INPP4B: variants seen among roughly 807,000 people sequenced by gnomAD.
The protein encoded by INPP4B is inositol polyphosphate 4-phosphatase type II.
In INPP4B, 55 loss-of-function variants were observed where a neutral mutation model predicts 122.5. The observed-to-expected ratio is 0.45, with a 90% confidence interval of 0.36 to 0.56. The LOEUF is 0.56. Among genes scored for constraint, INPP4B ranks in the 20% least tolerant of loss-of-function variants. INPP4B has a pLI of 0.00. For synonymous variants in INPP4B, 403 were observed against 388.7 expected, an observed-to-expected ratio of 1.04 and a Z score of -0.43; for missense variants, 1,000 against 1,097.7, an observed-to-expected ratio of 0.91 and a Z score of 1.26.
chr4:142,636,339 T>C (rs1203012626), intron 2 of INPP4B, among the ~76,000 whole-genome samples: 1 of 152,036 alleles, frequency 6.6e-6, no homozygotes, highest in African/African-American at 2.4e-5. Flanking sequence ...AAAAGTCAAA[T>C]ACCTAGAAAT....
At chr4:142,610,377 G>A (rs1022239654) in intron 2 of INPP4B, among the ~76,000 whole-genome samples, 1 of 152,106 alleles carries the variant, frequency 6.6e-6, no homozygotes, top group Non-Finnish European at 1.5e-5. Flanking sequence ...TATTAGCAGT[G>A]TGAGAACAGA....
At chr4:142,089,996 T>C (rs1175006855) in intron 23 of INPP4B, among the ~76,000 whole-genome samples, 1 of 152,188 alleles carries the variant, frequency 6.6e-6, no homozygotes, top group Non-Finnish European at 1.5e-5. Context: ...GTTTTTACCA[T>C]TGGTAGTACT....
chr4:142,091,773 A>T (rs1350550093), intron 23 of INPP4B, among the ~76,000 whole-genome samples: 1 of 152,204 alleles, frequency 6.6e-6, no homozygotes, highest in African/African-American at 2.4e-5. Flanking sequence ...GGGTATTAAT[A>T]AGTAAACAGG....
At chr4:142,773,231 G>A (rs1183018259) in intron 1 of INPP4B, among the ~76,000 whole-genome samples, 1 of 151,956 alleles carries the variant, frequency 6.6e-6, no homozygotes, top group Non-Finnish European at 1.5e-5. Flanking sequence ...AATAATATTA[G>A]CAAAAAATGT....
intron 1 of INPP4B, among the ~76,000 whole-genome samples, chr4:142,818,561 T>G (rs1165166221): frequency 6.6e-6 from 1 of 152,188 alleles, no homozygotes; most frequent in Non-Finnish European, 1.5e-5. Flanking sequence ...ATCTTTATTA[T>G]AAACATTTCA....
chr4:142,023,342 TAAAAAG>T lies in INPP4B; in HGVS notation c.*5434_*5439del, dbSNP rs1736051497. ...ATTCATCTAAAATACATATATAACA[TAAAAAG>T]AAAACAAATGCCAACCTTTCAGATG... On this transcript the variant is annotated 3_prime_UTR_variant, in exon 26 of 26. Transcript: ENST00000262992. 1 of 151,768 alleles carries T rather than the reference TAAAAAG, an allele frequency of 6.6e-6. No individual in the cohort carries two copies. The highest frequency in any genetic ancestry group is 6.6e-5 in the Admixed American group (1 of 15,252). The allele number at this position is 151,768 out of a possible 1,614,324, so 9.4% of individuals were successfully genotyped here.
rs551635626 is a variant in INPP4B, at chr4:142,187,334, AT to A, written c.1181+5752del. ...AAAGAAAAAAATAAAGTATATTTTA[AT>A]TGAAATATACTTTATTGAAATATTG... On this transcript the variant is annotated intron_variant, in intron 15 of 25. Coordinates refer to ENST00000262992, the MANE Select transcript of INPP4B (RefSeq NM_001101669.3). 1.8e-4 allele frequency among the ~76,000 whole-genome samples: 28 copies of A among 152,234 alleles called. No homozygotes were observed. The South Asian group carries it at 5.2e-3, about 28-fold the overall frequency.
chr4:142,622,214 T>C (rs1339292265), intron 2 of INPP4B, among the ~76,000 whole-genome samples: 6 of 151,888 alleles, frequency 4.0e-5, no homozygotes, highest in Non-Finnish European at 7.4e-5. Flanking sequence ...CAAACTTTAA[T>C]GATGTAAATA....
At chr4:142,816,514 C>G (rs188281303) in intron 1 of INPP4B, among the ~76,000 whole-genome samples, 1 of 151,940 alleles carries the variant, frequency 6.6e-6, no homozygotes, top group Non-Finnish European at 1.5e-5. Flanking sequence ...ATCTTAACTT[C>G]CAGTCATTTC....
At chr4:142,694,088 G>A (rs1025102253) in intron 2 of INPP4B, among the ~76,000 whole-genome samples, 1 of 152,008 alleles carries the variant, frequency 6.6e-6, no homozygotes, top group African/African-American at 2.4e-5. Flanking sequence ...AAAAAAGAAA[G>A]CTGACTGGGC....
intron 18 of INPP4B, among the ~76,000 whole-genome samples, chr4:142,126,386 C>T (rs137913961): frequency 6.6e-6 from 1 of 152,098 alleles, no homozygotes; most frequent in Non-Finnish European, 1.5e-5. Context: ...CGTACCATGT[C>T]TACTGTCACT....
In INPP4B at chr4:142,650,891, T is replaced by C. The variant is rs548289623; in HGVS notation, c.-191+74948A>G. On this transcript the variant is annotated intron_variant, in intron 2 of 25. Transcript: ENST00000262992. Reference sequence around the variant, plus strand: ...CGGACCTAATAGACATCTACAGAACTCTCCAGCCCAAATCAACAGAATATG... The same window carrying C: ...CGGACCTAATAGACATCTACAGAACCCTCCAGCCCAAATCAACAGAATATG... 4.6e-5 allele frequency among the ~76,000 whole-genome samples: 7 copies of C among 152,166 alleles called. No homozygotes were observed. The South Asian group carries it at 1.2e-3, about 27-fold the overall frequency.
chr4:142,617,020 A>G (rs1743846734), intron 2 of INPP4B, among the ~76,000 whole-genome samples: 1 of 152,084 alleles, frequency 6.6e-6, no homozygotes, highest in African/African-American at 2.4e-5. Flanking sequence ...GGGCACACTA[A>G]AAGCCCGAAC....
intron 25 of INPP4B, among the ~76,000 whole-genome samples, chr4:142,044,552 G>A (rs1750221989): frequency 6.6e-6 from 1 of 152,012 alleles, no homozygotes; most frequent in Non-Finnish European, 1.5e-5. Context: ...GATGAATGAA[G>A]AAATGGAAGG....
chr4:142,642,185 A>C, intron 2 of INPP4B, among the ~76,000 whole-genome samples: 1 of 152,154 alleles, frequency 6.6e-6, no homozygotes, highest in Non-Finnish European at 1.5e-5. Context: ...TCAGATGAGT[A>C]GATTGCAAAA....
Position 142,695,948 on chromosome 4 carries a change from G to A in INPP4B, c.-191+29891C>T, listed in dbSNP as rs149181077. On this transcript the variant is annotated intron_variant, in intron 2 of 25. Coordinates refer to ENST00000262992, the MANE Select transcript of INPP4B (RefSeq NM_001101669.3). The stretch of plus-strand genomic sequence containing the variant: ...TGATGTGGGATCTCAAGGGAAAGGC[G>A]GGCCAGGATAATCCAAAACCTAGAC... 2.7e-3 allele frequency among the ~76,000 whole-genome samples: 407 copies of A among 152,204 alleles called. 6 individuals are homozygous for A. The highest frequency in any genetic ancestry group is 0.018 in the East Asian group (95 of 5,182).
intron 7 of INPP4B, among the ~76,000 whole-genome samples, chr4:142,353,590 G>C (rs573190087): frequency 6.6e-6 from 1 of 152,058 alleles, no homozygotes; most frequent in East Asian, 1.9e-4. Context: ...ATATATACGT[G>C]CATATACATA....
chr4:142,592,707 G>T (rs901036557), intron 2 of INPP4B, among the ~76,000 whole-genome samples: 1 of 152,174 alleles, frequency 6.6e-6, no homozygotes, highest in African/African-American at 2.4e-5. Flanking sequence ...GAAGCATAGT[G>T]TGGAAAAGTA....
chr4:142,753,008 T>C (rs1239835106), intron 1 of INPP4B, among the ~76,000 whole-genome samples: 2 of 152,076 alleles, frequency 1.3e-5, no homozygotes, highest in African/African-American at 4.8e-5. Context: ...TTGCACACCC[T>C]GCCTAGGCAG....
Sources: gnomAD v4.1 joint callset for allele counts (sites outside exome capture counted in the v4.1 genomes callset) on GRCh38, gnomAD v4.1.1 for gene constraint, MANE v1.5 for transcripts, NCBI Gene and HGNC (gene_info 2026-07-23, HGNC 2026-07-21) for gene names.